Variants in AKAP6 observed in about 807,000 individuals in gnomAD.
AKAP6 encodes A-kinase anchoring protein 6, also known as A-kinase anchor protein 6.
In AKAP6, 58 loss-of-function variants were observed where a neutral mutation model predicts 188.5. The ratio of observed to expected loss-of-function variants is 0.31; its 90% CI spans 0.25 to 0.38. The LOEUF (loss-of-function observed/expected upper bound fraction) is 0.38. Among genes scored for constraint, AKAP6 ranks in the 10% least tolerant of loss-of-function variants. The probability of loss-of-function intolerance (pLI) is 1.00; values close to 1 mark genes in which losing one functional copy is unlikely to be tolerated. For synonymous variants in AKAP6, 989 were observed against 998.6 expected (o/e 0.99, Z 0.18); for missense variants, 2,710 against 2,740.0 (o/e 0.99, Z 0.24).
intron 9 of AKAP6, among the ~76,000 whole-genome samples, chr14:32,708,811 G>A (rs952018576): frequency 6.6e-6 from 1 of 151,814 alleles, no homozygotes; most frequent in Non-Finnish European, 1.5e-5. Flanking sequence ...ACTGAACTTT[G>A]TCCTTCCTCC....
chr14:32,659,963 T>C (rs1476318214), intron 7 of AKAP6, among the ~76,000 whole-genome samples: 1 of 152,034 alleles, frequency 6.6e-6, no homozygotes, highest in East Asian at 1.9e-4. Context: ...GACACATAAC[T>C]GCTTACTGTA....
intron 2 of AKAP6, among the ~76,000 whole-genome samples, chr14:32,516,078 G>C (rs1881505969): frequency 6.6e-6 from 1 of 152,168 alleles, no homozygotes; most frequent in South Asian, 2.1e-4. Flanking sequence ...AAAAACAAAA[G>C]AGTGCTTCAC....
intron 1 of AKAP6, among the ~76,000 whole-genome samples, chr14:32,353,689 G>A (rs1470931276): frequency 2.0e-5 from 3 of 152,172 alleles, no homozygotes; most frequent in Non-Finnish European, 2.9e-5. Flanking sequence ...CAGATGACAT[G>A]ATTGTATATC....
At chr14:32,707,774 G>A (rs962529169) in intron 9 of AKAP6, among the ~76,000 whole-genome samples, 1 of 152,050 alleles carries the variant, frequency 6.6e-6, no homozygotes, top group African/African-American at 2.4e-5. Flanking sequence ...TTTATGCTGT[G>A]ATAATTGAAT....
At chr14:32,438,446 T>C (rs534290344) in intron 2 of AKAP6, among the ~76,000 whole-genome samples, 12 of 152,328 alleles carry the variant, frequency 7.9e-5, no homozygotes, top group African/African-American at 2.4e-4. Flanking sequence ...CTAAAGTCTG[T>C]TTCCCAGAGA....
intron 12 of AKAP6, among the ~76,000 whole-genome samples, chr14:32,820,299 T>C (rs1196969350): frequency 6.6e-6 from 1 of 152,038 alleles, no homozygotes; most frequent in Non-Finnish European, 1.5e-5. Flanking sequence ...ATATATATAA[T>C]CTTTCTTGGC....
chr14:32,550,928 A>G (rs1206163441), intron 4 of AKAP6, among the ~76,000 whole-genome samples: 1 of 152,078 alleles, frequency 6.6e-6, no homozygotes, highest in Non-Finnish European at 1.5e-5. Flanking sequence ...TTCTCTCACT[A>G]CAGTCTATTT....
chr14:32,545,730 G>A lies in AKAP6; in HGVS notation c.1077G>A (p.Gln359=). 6.2e-7 allele frequency: 1 copy of A among 1,614,194 alleles called. No homozygotes were observed. The highest frequency in any genetic ancestry group is 8.5e-7 in the Non-Finnish European group (1 of 1,180,026). Residue 359 remains glutamine, a synonymous_variant, in exon 4 of 14, where the codon CAG becomes CAA. Coordinates refer to ENST00000280979, the MANE Select transcript of AKAP6 (RefSeq NM_004274.5). ...CCTCCCATCATGATGCAAAGAATCA[G>A]CAGCCTGTTCCTTGTGAAAATGCAA... is the stretch of plus-strand genomic sequence containing the variant. ...SSSSHHDAKN[Q]QPVPCENATP... is the part of the protein sequence containing the mutation.
chr14:32,617,643 T>C (rs1886635363), intron 7 of AKAP6, among the ~76,000 whole-genome samples: 1 of 152,238 alleles, frequency 6.6e-6, no homozygotes, highest in Admixed American at 6.5e-5. Context: ...TGTTTTGTTT[T>C]GAGACAGGGT....
In AKAP6 at chr14:32,413,347, T is replaced by C. The variant is rs147914522; in HGVS notation, c.-34-20113T>C. ...ACAAGCATGTGCCACCACACCTGGC[T>C]ATTTTTTAAAATTGTTTGTAGCAAT... On this transcript the variant is annotated intron_variant, in intron 1 of 13. Coordinates refer to ENST00000280979, the MANE Select transcript of AKAP6 (RefSeq NM_004274.5). 5.3e-5 allele frequency among the ~76,000 whole-genome samples: 8 copies of C among 152,112 alleles called. 1 individual carries two copies. Among genetic ancestry groups the C allele is most frequent in the Non-Finnish European group, 5.9e-5 (4 of 67,980 alleles).
At chr14:32,683,546 A>G (rs1209754216) in intron 8 of AKAP6, among the ~76,000 whole-genome samples, 1 of 152,184 alleles carries the variant, frequency 6.6e-6, no homozygotes, top group East Asian at 1.9e-4. Context: ...CCAGCATGTG[A>G]TATTTATTTA....
chr14:32,761,644 T>C (rs536943977), intron 11 of AKAP6, among the ~76,000 whole-genome samples: 2 of 152,274 alleles, frequency 1.3e-5, no homozygotes, highest in Non-Finnish European at 2.9e-5. Context: ...GGAATTCCTC[T>C]TGGGTCATCA....
chr14:32,367,694 C>CCTAT (rs1887877603), intron 1 of AKAP6, among the ~76,000 whole-genome samples: 1 of 152,128 alleles, frequency 6.6e-6, no homozygotes, highest in Non-Finnish European at 1.5e-5. Flanking sequence ...CTTAATCCAG[C>CCTAT]CTATTTTCCT....
At chr14:32,744,525 C>T (rs1265888180) in intron 11 of AKAP6, among the ~76,000 whole-genome samples, 2 of 152,072 alleles carry the variant, frequency 1.3e-5, no homozygotes, top group Admixed American at 1.3e-4. Flanking sequence ...ACTGCACTAG[C>T]CAGGATGGTC....
chr14:32,524,946 T>A (rs1199505173), intron 2 of AKAP6, among the ~76,000 whole-genome samples: 1 of 152,196 alleles, frequency 6.6e-6, no homozygotes, highest in African/African-American at 2.4e-5. Flanking sequence ...TATGCATGGT[T>A]AACAAGCACA....
At chr14:32,597,023 T>C (rs1430084949) in intron 5 of AKAP6, among the ~76,000 whole-genome samples, 1 of 152,182 alleles carries the variant, frequency 6.6e-6, no homozygotes, top group African/African-American at 2.4e-5. Flanking sequence ...GTAATAGTTA[T>C]GTTAAATGGT....
At chr14:32,758,505 G>A (rs573569936) in intron 11 of AKAP6, among the ~76,000 whole-genome samples, 125 of 152,246 alleles carry the variant, frequency 8.2e-4, no homozygotes, top group African/African-American at 2.7e-3. Context: ...AGGCCGAGGC[G>A]GGCAGATCAC....
At chr14:32,679,219 T>C (rs985866666) in intron 8 of AKAP6, among the ~76,000 whole-genome samples, 1 of 152,158 alleles carries the variant, frequency 6.6e-6, no homozygotes, top group African/African-American at 2.4e-5. Context: ...TTAAAAAGTG[T>C]ATATATTTTT....
intron 4 of AKAP6, among the ~76,000 whole-genome samples, chr14:32,561,460 C>CT (rs1176152223): frequency 1.3e-5 from 2 of 152,124 alleles, no homozygotes; most frequent in Non-Finnish European, 2.9e-5. Context: ...TTATGAGAGA[C>CT]TAACTGTGAG....
Sources: gnomAD v4.1 joint callset for allele counts (sites outside exome capture counted in the v4.1 genomes callset) on GRCh38, gnomAD v4.1.1 for gene constraint, MANE v1.5 for transcripts, NCBI Gene and HGNC (gene_info 2026-07-23, HGNC 2026-07-21) for gene names.